SPATA21: variants seen among roughly 807,000 people sequenced by gnomAD.
SPATA21 encodes spermatogenesis-associated protein 21.
In SPATA21, 47 loss-of-function variants were observed where a neutral mutation model predicts 54.8. The observed-to-expected ratio is 0.86, with a 90% CI of 0.68 to 1.09. SPATA21 has a LOEUF of 1.09. Ranked by LOEUF, SPATA21 falls within the 50% of genes least tolerant of loss-of-function variation. SPATA21 has a pLI of 0.00. For missense variants in SPATA21, 599 were observed against 596.4 expected (o/e 1.00, Z -0.05); for synonymous variants, 245 against 235.3 (o/e 1.04, Z -0.38).
chr1:16,411,838 C>A (rs979686325), intron 5 of SPATA21, among the ~76,000 whole-genome samples: 9 of 151,696 alleles, frequency 5.9e-5, no homozygotes, highest in African/African-American at 2.2e-4. Context: ...CTGATACCAC[C>A]CCACCCCTGA....
chr1:16,436,980 C>T (rs1384129180), intron 1 of SPATA21, 148 bp downstream of exon 1: 2 of 152,140 alleles, frequency 1.3e-5, no homozygotes, highest in African/African-American at 4.8e-5. Context: ...GTGGTTTCCT[C>T]ATCTGAAAAA....
intron 10 of SPATA21, among the ~76,000 whole-genome samples, chr1:16,403,230 T>G (rs920480677): frequency 6.6e-6 from 1 of 152,156 alleles, no homozygotes; most frequent in African/African-American, 2.4e-5. Context: ...GACTGCTCAG[T>G]GCATGCTGCA....
intron 5 of SPATA21, chr1:16,410,793 G>T: frequency 2.6e-6 from 1 of 385,254 alleles, no homozygotes; most frequent in Non-Finnish European, 5.3e-6. Context: ...GTGATCCTCC[G>T]CCTTGGCCTC....
chr1:16,424,261 C>A (rs927389129), intron 3 of SPATA21, among the ~76,000 whole-genome samples: 9 of 114,086 alleles, frequency 7.9e-5, no homozygotes, highest in South Asian at 3.2e-4. Flanking sequence ...TGCAGTGAGC[C>A]GAGATTGCGC....
Position 16,403,849 on chromosome 1 carries a change from A to G in SPATA21, c.884-5T>C. On this transcript the variant is annotated splice_polypyrimidine_tract_variant and splice_region_variant and intron_variant, in intron 9 of 12. Coordinates refer to ENST00000335496, the MANE Select transcript of SPATA21 (RefSeq NM_198546.1). ...TGTCCGACAGGGCGTTCTGTTCTGG[A>G]GACATGGGATAGTGGCTGCCGTTAC... 1 of 1,609,704 alleles carries G rather than the reference A, an allele frequency of 6.2e-7. No individual in the cohort carries two copies. The highest frequency in any genetic ancestry group is 1.7e-5 in the Admixed American group (1 of 59,692).
intron 5 of SPATA21, among the ~76,000 whole-genome samples, chr1:16,415,135 G>A (rs59715737): frequency 0.068 from 10,269 of 152,066 alleles, 407 homozygotes; most frequent in Middle Eastern, 0.13. Context: ...TCAGGAGTTC[G>A]AGAAGAGCCT....
In SPATA21 at chr1:16,421,898, G is replaced by C. The variant is rs2086183117; in HGVS notation, c.95+13C>G. The stretch of plus-strand genomic sequence containing the variant: ...TTGTTGGGGGCAGGGGATGGCACTG[G>C]ATGATGACTTACCCTCCTTTTGCTT... On this transcript the variant is annotated intron_variant, in intron 4 of 12. Transcript: ENST00000335496. This position sits in a 1 kb window ranked among gnomAD's most constrained non-coding sequence, Gnocchi z 5.2. The C allele has an allele frequency of 6.2e-7, 1 of 1,614,102 alleles. No individual in the cohort carries two copies. Among genetic ancestry groups the C allele is most frequent in the African/African-American group, 1.3e-5 (1 of 74,948 alleles).
At position 16,409,871 on chromosome 1, in the gene SPATA21, C is replaced by A. The variant is rs369527034; in HGVS notation, c.317G>T (p.Arg106Leu). The stretch of plus-strand genomic sequence containing the variant: ...GGGCGACTTCTGGGCTGTCTGGGAC[C>A]GGGCCTTCGAGGCTCTCCGATGGGA... ...EASHRRASKARSQTAQKSPRT... is the reference protein window; with the variant it reads ...EASHRRASKALSQTAQKSPRT... The change falls in exon 6 of 13, where the codon CGG (arginine) becomes CTG (leucine). Residue 106 changes from arginine to leucine, a missense_variant. Transcript: ENST00000335496. The surrounding 1 kb of genome is among the most constrained non-coding windows in gnomAD (Gnocchi z 4.1). The A allele has an allele frequency of 6.2e-7, 1 of 1,611,148 alleles. No homozygotes were observed. The highest frequency in any genetic ancestry group is 8.5e-7 in the Non-Finnish European group (1 of 1,178,624).
In SPATA21 at chr1:16,409,023, A is replaced by T. The variant is rs2085740670; in HGVS notation, c.673+95T>A. 7.5e-7 allele frequency: 1 copy of T among 1,329,154 alleles called. No individual in the cohort carries two copies. The highest frequency in any genetic ancestry group is 1.1e-6 in the Non-Finnish European group (1 of 934,814). 82.3% of individuals were successfully genotyped at this position (1,329,154 alleles called of 1,614,324 possible). A position where few individuals can be genotyped will look rare whatever the true frequency, so the allele number is the denominator to read the frequency against. On this transcript the variant is annotated intron_variant, in intron 7 of 12. Transcript: ENST00000335496. The surrounding 1 kb of genome is among the most constrained non-coding windows in gnomAD (Gnocchi z 4.1). ...TGCTACACATGGCGGCAGCCATGTG[A>T]TCTGGAAAGCACCCCAGTCCGCCCT...
intron 5 of SPATA21, among the ~76,000 whole-genome samples, chr1:16,418,325 G>A (rs2086073761): frequency 6.6e-6 from 1 of 152,240 alleles, no homozygotes; most frequent in South Asian, 2.1e-4. Flanking sequence ...AGGCCGGAGT[G>A]CAGTGGCGTG....
chr1:16,431,912 G>T (rs941223650), intron 2 of SPATA21, among the ~76,000 whole-genome samples: 2 of 151,980 alleles, frequency 1.3e-5, no homozygotes, highest in Non-Finnish European at 2.9e-5. Flanking sequence ...TTTAAAGAGA[G>T]TCCAAGAATG....
At chr1:16,417,121 G>T (rs528250321) in intron 5 of SPATA21, among the ~76,000 whole-genome samples, 45 of 152,294 alleles carry the variant, frequency 3.0e-4, no homozygotes, top group African/African-American at 9.9e-4. Flanking sequence ...CTTTTCAGCC[G>T]CTCTGTCCAT....
intron 7 of SPATA21, among the ~76,000 whole-genome samples, chr1:16,407,904 T>G (rs1570118978): frequency 6.6e-6 from 1 of 152,316 alleles, no homozygotes; most frequent in African/African-American, 2.4e-5. Flanking sequence ...TAGCTGGGAC[T>G]ACAGGCTTAT....
chr1:16,398,121 T>G (rs1237262317), downstream of SPATA21: 4 of 561,034 alleles, frequency 7.1e-6, no homozygotes, highest in Non-Finnish European at 9.0e-6. Context: ...AAATTGTATT[T>G]TAAATACATG....
intron 3 of SPATA21, among the ~76,000 whole-genome samples, chr1:16,427,232 C>T (rs917825076): frequency 3.9e-5 from 6 of 151,990 alleles, no homozygotes; most frequent in South Asian, 2.1e-4. Flanking sequence ...CTATTTCCAC[C>T]GGCATGGTAT....
intron 5 of SPATA21, among the ~76,000 whole-genome samples, chr1:16,420,846 T>A (rs753124377): frequency 6.6e-6 from 1 of 151,884 alleles, no homozygotes; most frequent in East Asian, 1.9e-4. Flanking sequence ...GAGGGCGGTG[T>A]GGCCAAGGAA....
chr1:16,400,965 C>G (rs746785789), intron 10 of SPATA21, 73 bp from the exon 11 acceptor site: 233 of 1,511,184 alleles, frequency 1.5e-4, no homozygotes, highest in Non-Finnish European at 2.0e-4. Flanking sequence ...GCCCCTATCT[C>G]TCTGGCCAGC....
rs140862690 is a variant in SPATA21 at position 16,404,107 on chromosome 1, G to A, written c.812-68C>T. The A allele has an allele frequency of 8.3e-3, 11,274 of 1,352,624 alleles. 59 individuals are homozygous for A. The highest frequency in any genetic ancestry group is 0.01 in the Non-Finnish European group (9,696 of 967,836). The allele number at this position is 1,352,624 out of a possible 1,614,324, so 83.8% of individuals were successfully genotyped here. A position where few individuals can be genotyped will look rare whatever the true frequency, so the allele number is the denominator to read the frequency against. ...CAGGTCCATGCCTTGCAGCCCAGGC[G>A]TGGTTATTAGAAGTCACTGTCTGGG... On this transcript the variant is annotated intron_variant, in intron 8 of 12. Coordinates refer to ENST00000335496, the MANE Select transcript of SPATA21 (RefSeq NM_198546.1).
Position 16,404,998 on chromosome 1 carries a change from C to T in SPATA21, c.780G>A (p.Val260=), listed in dbSNP as rs757369221. The T allele has an allele frequency of 1.2e-6, 2 of 1,606,158 alleles. No individual in the cohort carries two copies. Among genetic ancestry groups the T allele is most frequent in the East Asian group, 2.2e-5 (1 of 44,616 alleles). The stretch of plus-strand genomic sequence containing the variant: ...CATCAGCACTCATCAGGGCGTCCTC[C>T]ACCTGGGCCAGCGTCACAGAGAAGC... ...LMGFSVTLAQ[V]EDALMSADVN... Residue 260 remains valine (V), a synonymous_variant, in exon 8 of 13, where the codon GTG becomes GTA. Transcript: ENST00000335496.
Sources: allele counts gnomAD v4.1 joint callset (sites outside exome capture counted in the v4.1 genomes callset), GRCh38; gene constraint gnomAD v4.1.1; non-coding constraint Gnocchi (gnomAD v3.1); transcripts MANE v1.5; gene names NCBI Gene and HGNC (gene_info 2026-07-23, HGNC 2026-07-21).